Variants in MAGI2 observed in about 807,000 individuals in gnomAD.
MAGI2 encodes membrane associated guanylate kinase, WW and PDZ domain containing 2.
A neutral mutation model predicts 133.3 loss-of-function variants in MAGI2; 35 were observed. The observed-to-expected ratio is 0.26, with a 90% confidence interval of 0.20 to 0.35. The LOEUF (loss-of-function observed/expected upper bound fraction) is 0.35. Ranked by LOEUF, MAGI2 falls within the 10% of genes least tolerant of loss-of-function variation. The pLI, the probability that MAGI2 is intolerant of heterozygous loss-of-function variation, is 1.00. For missense variants in MAGI2, 1,636 were observed against 1,863.4 expected (o/e 0.88, Z 2.25); for synonymous variants, 729 against 710.6 (o/e 1.03, Z -0.41).
At chr7:78,222,169 C>A (rs1157914147) in intron 10 of MAGI2, among the ~76,000 whole-genome samples, 1 of 152,084 alleles carries the variant, frequency 6.6e-6, no homozygotes. Context: ...TCTTCTTACA[C>A]AAGAATGTGC....
At chr7:79,229,399 T>C (rs538849572) in intron 1 of MAGI2, among the ~76,000 whole-genome samples, 1 of 150,576 alleles carries the variant, frequency 6.6e-6, no homozygotes, top group Non-Finnish European at 1.5e-5. Context: ...GGGCCTACCA[T>C]CTTTCCTCCA....
At chr7:78,509,143 T>TC (rs1240110018) in intron 4 of MAGI2, among the ~76,000 whole-genome samples, 3 of 151,736 alleles carry the variant, frequency 2.0e-5, no homozygotes, top group African/African-American at 7.3e-5. Flanking sequence ...TTTTTTTTTT[T>TC]CACTGACAAT....
chr7:78,108,168 T>C (rs1189267551), intron 20 of MAGI2, among the ~76,000 whole-genome samples: 2 of 152,172 alleles, frequency 1.3e-5, no homozygotes, highest in African/African-American at 4.8e-5. Context: ...TTTAGAATAC[T>C]GTGTTTCCAT....
intron 3 of MAGI2, among the ~76,000 whole-genome samples, chr7:78,544,568 TAATAA>T (rs1314061062): frequency 9.9e-5 from 15 of 152,210 alleles, no homozygotes; most frequent in Admixed American, 7.9e-4. Context: ...GAGAAGATGT[TAATAA>T]AATAAGACTC....
At chr7:79,347,296 T>G (rs1316799575) in intron 1 of MAGI2, among the ~76,000 whole-genome samples, 1 of 151,990 alleles carries the variant, frequency 6.6e-6, no homozygotes, top group Non-Finnish European at 1.5e-5. Context: ...CTTTATAATT[T>G]TATTAAATTA....
intron 10 of MAGI2, among the ~76,000 whole-genome samples, chr7:78,232,648 T>C (rs1025858603): frequency 3.3e-5 from 5 of 152,086 alleles, no homozygotes; most frequent in Non-Finnish European, 7.4e-5. Flanking sequence ...TGAAGAAAAA[T>C]GGTAACCCCA....
At chr7:78,504,260 G>A (rs1318470890) in intron 4 of MAGI2, among the ~76,000 whole-genome samples, 2 of 152,172 alleles carry the variant, frequency 1.3e-5, no homozygotes, top group Non-Finnish European at 2.9e-5. Context: ...TTCATGGGAT[G>A]AGATTATTGG....
chr7:78,966,014 A>T (rs1351342782), intron 2 of MAGI2, among the ~76,000 whole-genome samples: 7 of 152,076 alleles, frequency 4.6e-5, no homozygotes, highest in Admixed American at 2.6e-4. Context: ...TCTACAGAGA[A>T]TAATAGAGTA....
chr7:78,185,384 C>G (rs964468911), intron 13 of MAGI2: 5 of 344,874 alleles, frequency 1.4e-5, no homozygotes, highest in Non-Finnish European at 2.1e-5. Context: ...TTTAATCCAG[C>G]CTTTTACTAG....
rs1833423663 is a variant in MAGI2, at chr7:79,252,988, A to G, written c.301+200032T>C. 3.3e-5 allele frequency among the ~76,000 whole-genome samples: 5 copies of G among 152,174 alleles called. No individual in the cohort carries two copies. The South Asian group carries it at 8.3e-4, about 25-fold the overall frequency. On this transcript the variant is annotated intron_variant, in intron 1 of 21. Transcript: ENST00000354212. ...TGTCATGCCACTGTTAAAATAACTG[A>G]CATATCTAAAAGCACTTTGCATGTG...
At chr7:78,665,674 A>G (rs1409549957) in intron 2 of MAGI2, among the ~76,000 whole-genome samples, 4 of 152,180 alleles carry the variant, frequency 2.6e-5, no homozygotes, top group African/African-American at 9.6e-5. Flanking sequence ...GAGTAGCCTT[A>G]GAATAGTCAT....
chr7:78,128,330 C>A (rs984890537), intron 18 of MAGI2, among the ~76,000 whole-genome samples: 13 of 152,254 alleles, frequency 8.5e-5, no homozygotes, highest in South Asian at 2.1e-4. Flanking sequence ...AAATTGTCAC[C>A]ATGGTATGGA....
At chr7:78,194,425 G>C (rs1403150676) in intron 12 of MAGI2, among the ~76,000 whole-genome samples, 1 of 152,094 alleles carries the variant, frequency 6.6e-6, no homozygotes. Context: ...TTGATTTCAT[G>C]CTTGTGAGCT....
At chr7:79,019,294 A>T (rs1047293810) in intron 1 of MAGI2, among the ~76,000 whole-genome samples, 1 of 152,158 alleles carries the variant, frequency 6.6e-6, no homozygotes, top group Non-Finnish European at 1.5e-5. Context: ...GAGATAATTT[A>T]ATCATGGGGG....
intron 1 of MAGI2, among the ~76,000 whole-genome samples, chr7:79,375,394 G>A (rs1456116277): frequency 6.6e-6 from 1 of 151,844 alleles, no homozygotes; most frequent in Non-Finnish European, 1.5e-5. Flanking sequence ...AGAACTGAGA[G>A]CTCTCTTCGA....
rs914177462 is a variant in MAGI2 at position 78,078,187 on chromosome 7, T to A, written c.3706+760A>T. The A allele has an allele frequency of 2.2e-4, 33 of 152,396 alleles. 1 individual carries two copies. Among genetic ancestry groups the A allele is most frequent in the African/African-American group, 7.7e-4 (32 of 41,434 alleles). 9.4% of individuals were successfully genotyped at this position (152,396 alleles called of 1,614,324 possible). ...CTAGTCTGATGTGTCTGTATGCCCG[T>A]CTGTTTCTGTCTGTCACTCACTGAG... On this transcript the variant is annotated intron_variant, in intron 21 of 21. Transcript: ENST00000354212.
chr7:78,362,197 G>A (rs1792889915), intron 7 of MAGI2, among the ~76,000 whole-genome samples: 1 of 152,138 alleles, frequency 6.6e-6, no homozygotes. Flanking sequence ...AGCTACTCGG[G>A]AGGCTGTGGC....
chr7:78,921,431 G>A (rs1464237700), intron 2 of MAGI2, among the ~76,000 whole-genome samples: 1 of 152,082 alleles, frequency 6.6e-6, no homozygotes, highest in African/African-American at 2.4e-5. Context: ...ACGTTGGGTG[G>A]AACCACAGAG....
chr7:79,059,309 G>A (rs931579164), intron 1 of MAGI2, among the ~76,000 whole-genome samples: 3 of 151,962 alleles, frequency 2.0e-5, no homozygotes, highest in African/African-American at 7.3e-5. Flanking sequence ...GTCCAAAATT[G>A]TATTCCTAGT....
Sources: gnomAD v4.1 joint callset for allele counts (sites outside exome capture counted in the v4.1 genomes callset) on GRCh38, gnomAD v4.1.1 for gene constraint, MANE v1.5 for transcripts, NCBI Gene and HGNC (gene_info 2026-07-23, HGNC 2026-07-21) for gene names.